The following PCDHGA8 variants were observed in gnomAD, a reference collection of about 807,000 sequenced individuals.
PCDHGA8 encodes protocadherin gamma-A8.
A neutral mutation model predicts 59.2 loss-of-function variants in PCDHGA8; 45 were observed. That is an observed-to-expected ratio of 0.76 (90% CI 0.60 to 0.98). The LOEUF is 0.98. Ranked by LOEUF, PCDHGA8 falls within the 50% of genes least tolerant of loss-of-function variation. The pLI, the probability that PCDHGA8 is intolerant of heterozygous loss-of-function variation, is 0.00. For synonymous variants in PCDHGA8, 531 were observed against 519.0 expected (o/e 1.02, Z -0.32); for missense variants, 1,257 against 1,196.2 (o/e 1.05, Z -0.75).
intron 1 of PCDHGA8, among the ~76,000 whole-genome samples, chr5:141,472,402 G>T (rs569497172): frequency 6.6e-6 from 1 of 152,042 alleles, no homozygotes; most frequent in Non-Finnish European, 1.5e-5. Context: ...TTAGCCAGGC[G>T]TGGTGGCACG....
intron 1 of PCDHGA8, among the ~76,000 whole-genome samples, chr5:141,482,985 C>T (rs971017271): frequency 1.3e-5 from 2 of 151,372 alleles, no homozygotes; most frequent in East Asian, 1.9e-4. Context: ...CTTGAGAGGT[C>T]GAGGCAGGAG....
At chr5:141,422,126 GAGA>G (rs767100115) in intron 1 of PCDHGA8, 2 of 1,601,210 alleles carry the variant, frequency 1.2e-6, no homozygotes, top group South Asian at 2.3e-5. Context: ...TCACAAACTG[GAGA>G]AGTTCAAGTA....
rs572457971 is a variant in PCDHGA8, at chr5:141,426,319, C to T, written c.2424+31082C>T. The T allele has an allele frequency of 1.5e-3, 257 of 175,598 alleles. 1 individual carries two copies. Among genetic ancestry groups the T allele is most frequent in the Non-Finnish European group, 1.2e-3 (99 of 79,820 alleles). 10.9% of individuals were successfully genotyped at this position (175,598 alleles called of 1,614,324 possible). ...CAGGGTGAAGCAGAGAAGCAGGACC[C>T]GGCAGTGGCAAGCACTCTTCCCTTT... is the stretch of plus-strand genomic sequence containing the variant. On this transcript the variant is annotated intron_variant, in intron 1 of 3. Coordinates refer to ENST00000398604, the MANE Select transcript of PCDHGA8 (RefSeq NM_032088.2).
chr5:141,394,283 T>A lies in PCDHGA8; in HGVS notation c.1470T>A (p.Ser490=). Residue 490 remains serine (S), a synonymous_variant, in exon 1 of 4, where the codon TCT becomes TCA. Coordinates refer to ENST00000398604, the MANE Select transcript of PCDHGA8 (RefSeq NM_032088.2). ...AGGAGAATGCCCAGGTCACTTACTC[T>A]GTGACCGAGGACACGCTGCAGGGGG... ...DSQENAQVTY[S]VTEDTLQGAP... is the part of the protein sequence containing the mutation. 1 of 1,613,956 alleles carries A rather than the reference T, an allele frequency of 6.2e-7. No homozygotes were observed. The highest frequency in any genetic ancestry group is 8.5e-7 in the Non-Finnish European group (1 of 1,179,880).
At position 141,487,934 on chromosome 5, in the gene PCDHGA8, C is replaced by G; in HGVS notation, c.2425-6873C>G. 4.9e-6 allele frequency: 3 copies of G among 607,674 alleles called. No individual in the cohort carries two copies. Among genetic ancestry groups the G allele is most frequent in the Non-Finnish European group, 5.8e-6 (2 of 347,576 alleles). The allele number at this position is 607,674 out of a possible 1,614,324, so 37.6% of individuals were successfully genotyped here. A position where few individuals can be genotyped will look rare whatever the true frequency, so the allele number is the denominator to read the frequency against. On this transcript the variant is annotated intron_variant, in intron 1 of 3. Transcript: ENST00000398604. The surrounding 1 kb of genome is among the most constrained non-coding windows in gnomAD (Gnocchi z 5.0). ...ACAGGAGGCTACAGTGCACAGGGTA[C>G]AGTGCACCAGGCAGTCACTTGGACA... is the stretch of plus-strand genomic sequence containing the variant.
At position 141,395,029 on chromosome 5, in the gene PCDHGA8, A is replaced by G. The variant is rs1589250627; in HGVS notation, c.2216A>G (p.His739Arg). The G allele has an allele frequency of 6.2e-7, 1 of 1,613,976 alleles. No homozygotes were observed. The highest frequency in any genetic ancestry group is 8.5e-7 in the Non-Finnish European group (1 of 1,179,986). The change falls in exon 1 of 4, where the codon CAT (histidine) becomes CGT (arginine). Residue 739 changes from histidine (H) to arginine (R), a missense_variant. By Grantham distance (29) the His-to-Arg change is conservative. Transcript: ENST00000398604. ...AGATTGGTAGGCGTGCCTGCCTCAC[A>G]TTTTGTGGGTGTTGAGGAGGTACAG... Reference protein sequence around the residue: ...GGRLVGVPASHFVGVEEVQAF... With the variant: ...GGRLVGVPASRFVGVEEVQAF...
At chr5:141,413,295 T>C in intron 1 of PCDHGA8, 1 of 1,613,940 alleles carries the variant, frequency 6.2e-7, no homozygotes, top group Middle Eastern at 1.7e-4. Context: ...ACTCAATTCC[T>C]GAGGAATTAG....
At chr5:141,478,712 G>T in intron 1 of PCDHGA8, 1 of 1,547,046 alleles carries the variant, frequency 6.5e-7, no homozygotes, top group Non-Finnish European at 8.7e-7. Flanking sequence ...TTTGTGAGAT[G>T]GTGGCCTGCC....
In PCDHGA8 at chr5:141,486,866, G is replaced by A; in HGVS notation, c.2425-7941G>A. Reference sequence around the variant, plus strand: ...GGACCTCAATGACAATGCTCCAGCTGTGCTCCGTCCTCGGGCCCGGCCTGG... The same window carrying A: ...GGACCTCAATGACAATGCTCCAGCTATGCTCCGTCCTCGGGCCCGGCCTGG... On this transcript the variant is annotated intron_variant, in intron 1 of 3. Transcript: ENST00000398604. The surrounding 1 kb of genome is among the most constrained non-coding windows in gnomAD (Gnocchi z 5.0). 6.2e-7 allele frequency: 1 copy of A among 1,614,202 alleles called. No homozygotes were observed. The highest frequency in any genetic ancestry group is 8.5e-7 in the Non-Finnish European group (1 of 1,180,038).
chr5:141,413,197 T>C (rs1429088178), intron 1 of PCDHGA8: 1 of 1,611,552 alleles, frequency 6.2e-7, no homozygotes, highest in Non-Finnish European at 8.5e-7. Flanking sequence ...AAGGAATCGC[T>C]CAAAGGAATC....
At chr5:141,444,757 C>T (rs919228537) in intron 1 of PCDHGA8, among the ~76,000 whole-genome samples, 4 of 152,050 alleles carry the variant, frequency 2.6e-5, no homozygotes, top group African/African-American at 9.7e-5. Flanking sequence ...ATATGTAGTT[C>T]TATTTCTATA....
At chr5:141,453,205 G>C (rs570291941) in intron 1 of PCDHGA8, among the ~76,000 whole-genome samples, 2 of 151,872 alleles carry the variant, frequency 1.3e-5, no homozygotes, top group Non-Finnish European at 2.9e-5. Context: ...CCTCAACCTC[G>C]TGCACTTAAG....
At chr5:141,473,853 C>T (rs2099329853) in intron 1 of PCDHGA8, among the ~76,000 whole-genome samples, 1 of 152,128 alleles carries the variant, frequency 6.6e-6, no homozygotes, top group Non-Finnish European at 1.5e-5. Flanking sequence ...GGAAGATGAA[C>T]CTCGCTATTG....
chr5:141,422,876 G>A (rs2096681830), intron 1 of PCDHGA8: 1 of 1,614,248 alleles, frequency 6.2e-7, no homozygotes, highest in Non-Finnish European at 8.5e-7. Context: ...GTGTCGCTGA[G>A]CCTGTTCGTG....
rs1310404999 is a variant in PCDHGA8, at chr5:141,394,693, G to A, written c.1880G>A (p.Arg627His). 33 of 1,612,890 alleles carry A rather than the reference G, an allele frequency of 2.0e-5. No individual in the cohort carries two copies. The highest frequency in any genetic ancestry group is 2.8e-5 in the Non-Finnish European group (33 of 1,179,852). Residue 627 changes from arginine to histidine, a missense_variant, in exon 1 of 4, where the codon CGC becomes CAC. By Grantham distance (29) the Arg-to-His change is conservative (BLOSUM62 0). Transcript: ENST00000398604. ...GTGGGTCTGCACACGGGCGAGGTGC[G>A]CACGGCGCGAGCCCTGCTGGACAGA... ...FSVGLHTGEV[R>H]TARALLDRDA...
chr5:141,414,311 ACT>A (rs1421551588), intron 1 of PCDHGA8: 5 of 1,613,710 alleles, frequency 3.1e-6, no homozygotes, highest in Non-Finnish European at 4.2e-6. Flanking sequence ...CATGATTTAG[ACT>A]CTGAGCAGAA....
chr5:141,423,775 T>A, intron 1 of PCDHGA8: 1 of 1,209,960 alleles, frequency 8.3e-7, no homozygotes, highest in Non-Finnish European at 1.1e-6. Context: ...GCGGCATATA[T>A]TTAGTTCATA....
intron 1 of PCDHGA8, among the ~76,000 whole-genome samples, chr5:141,474,165 A>G (rs1444314307): frequency 6.6e-6 from 1 of 152,234 alleles, no homozygotes; most frequent in Non-Finnish European, 1.5e-5. Context: ...GACAGGCCTT[A>G]TTATTGAGAA....
At position 141,490,370 on chromosome 5, in the gene PCDHGA8, G is replaced by A. The variant is rs768474199; in HGVS notation, c.2425-4437G>A. Reference sequence around the variant, plus strand: ...GTGGGGTTGTTTAATGTGCGAGACCGGGACTCAGGTAGAAATGGTGAAGTG... The same window carrying A: ...GTGGGGTTGTTTAATGTGCGAGACCAGGACTCAGGTAGAAATGGTGAAGTG... On this transcript the variant is annotated intron_variant, in intron 1 of 3. Coordinates refer to ENST00000398604, the MANE Select transcript of PCDHGA8 (RefSeq NM_032088.2). The surrounding 1 kb of genome is among the most constrained non-coding windows in gnomAD (Gnocchi z 5.4). 32 of 1,614,054 alleles carry A rather than the reference G, an allele frequency of 2.0e-5. No homozygotes were observed. The highest frequency in any genetic ancestry group is 1.0e-4 in the Admixed American group (6 of 60,006).
Sources: allele counts gnomAD v4.1 joint callset (sites outside exome capture counted in the v4.1 genomes callset), GRCh38; gene constraint gnomAD v4.1.1; non-coding constraint Gnocchi (gnomAD v3.1); transcripts MANE v1.5; gene names NCBI Gene and HGNC (gene_info 2026-07-23, HGNC 2026-07-21).